The following ZNF652 variants were observed in gnomAD, a reference collection of about 807,000 sequenced individuals.
The protein encoded by ZNF652 is zinc finger protein 652.
ZNF652 carries 16 observed loss-of-function variants against 45.2 expected under a neutral mutation model. The observed-to-expected ratio is 0.35, with a 90% CI of 0.24 to 0.54. The LOEUF is 0.54. Ranked by LOEUF, ZNF652 falls within the 20% of genes least tolerant of loss-of-function variation. The pLI, the probability that ZNF652 is intolerant of heterozygous loss-of-function variation, is 0.91. For synonymous variants in ZNF652, 250 were observed against 260.6 expected, an observed-to-expected ratio of 0.96 and a Z score of 0.39; for missense variants, 614 against 765.6, an observed-to-expected ratio of 0.80 and a Z score of 2.34.
At chr17:49,323,503 A>T (rs1330199820) in intron 1 of ZNF652, among the ~76,000 whole-genome samples, 1 of 152,154 alleles carries the variant, frequency 6.6e-6, no homozygotes, top group African/African-American at 2.4e-5. Context: ...ATGAATCACA[A>T]ATGTTCTTAA....
intron 1 of ZNF652, among the ~76,000 whole-genome samples, chr17:49,335,672 AAGTGTTACC>A (rs2070072462): frequency 6.6e-6 from 1 of 152,212 alleles, no homozygotes; most frequent in African/African-American, 2.4e-5. Context: ...TTACACTGTA[AAGTGTTACC>A]ATAATTTCAA....
At chr17:49,339,498 TA>T (rs1003423032) in intron 1 of ZNF652, among the ~76,000 whole-genome samples, 5 of 152,108 alleles carry the variant, frequency 3.3e-5, no homozygotes, top group Non-Finnish European at 7.4e-5. Context: ...AACAGTCAAG[TA>T]AACCTCGTGG....
chr17:49,333,479 G>A (rs4794041), intron 1 of ZNF652, among the ~76,000 whole-genome samples: 32,982 of 145,194 alleles, frequency 0.23, 3,930 homozygotes, highest in South Asian at 0.31. Flanking sequence ...GGAGGCCAAG[G>A]TGGGTGGATC....
At chr17:49,347,740 GTTT>G (rs1181401090) in intron 1 of ZNF652, among the ~76,000 whole-genome samples, 30,755 of 80,616 alleles carry the variant, frequency 0.38, 3,578 homozygotes, top group East Asian at 0.49. Context: ...CCTTGGTTTT[GTTT>G]TTTTTTTTTT....
intron 4 of ZNF652, among the ~76,000 whole-genome samples, chr17:49,311,691 A>G (rs375299865): frequency 5.9e-5 from 9 of 152,380 alleles, no homozygotes; most frequent in African/African-American, 1.9e-4. Context: ...GAAAAGAAAA[A>G]TAAGTCATTA....
At chr17:49,313,377 T>C (rs1356955968) in intron 2 of ZNF652, among the ~76,000 whole-genome samples, 1 of 151,986 alleles carries the variant, frequency 6.6e-6, no homozygotes, top group Admixed American at 6.5e-5. Flanking sequence ...CAGGGTGATC[T>C]CGATCTTCTG....
intron 1 of ZNF652, among the ~76,000 whole-genome samples, chr17:49,354,680 T>C (rs1382939702): frequency 1.3e-5 from 2 of 151,996 alleles, no homozygotes; most frequent in East Asian, 1.9e-4. Flanking sequence ...AAAATCTTCA[T>C]ATATAAAACA....
At chr17:49,326,371 C>T (rs1480143524) in intron 1 of ZNF652, among the ~76,000 whole-genome samples, 1 of 151,986 alleles carries the variant, frequency 6.6e-6, no homozygotes, top group Non-Finnish European at 1.5e-5. Context: ...AAAGAACAAC[C>T]AGCTTGGGCT....
chr17:49,298,649 G>C lies in ZNF652; in HGVS notation c.1585C>G (p.Pro529Ala). The C allele has an allele frequency of 6.2e-7, 1 of 1,613,908 alleles. No individual in the cohort carries two copies. Among genetic ancestry groups the C allele is most frequent in the Non-Finnish European group, 8.5e-7 (1 of 1,180,004 alleles). Residue 529 changes from proline to alanine, a missense_variant, in exon 6 of 6, where the codon CCA (proline) becomes GCA (alanine). Pro to Ala is a conservative substitution (Grantham distance 27). Around this residue, in one of 5 missense-constraint regions of ZNF652, gnomAD observed 132 missense variants for 137.2 expected, o/e 0.96. Transcript: ENST00000430262. Reference sequence around the variant, plus strand: ...GTGCTTACAGGATTCATATTGATTGGAGGGGTTGGGGTTGTGGCTGTGTTC... The same window carrying C: ...GTGCTTACAGGATTCATATTGATTGCAGGGGTTGGGGTTGTGGCTGTGTTC... ...VVNTATTPTP[P>A]INMNPVSTLP...
intron 5 of ZNF652, among the ~76,000 whole-genome samples, chr17:49,300,787 TACCAGAC>T (rs1282234421): frequency 7.9e-5 from 12 of 152,358 alleles, no homozygotes; most frequent in African/African-American, 2.9e-4. Flanking sequence ...TCTTACTGTG[TACCAGAC>T]ACTGCTAACT....
In ZNF652 at chr17:49,317,147, C is replaced by T; in HGVS notation, c.579G>A (p.Arg193=). 2 of 1,613,968 alleles carry T rather than the reference C, an allele frequency of 1.2e-6. No individual in the cohort carries two copies. Among genetic ancestry groups the T allele is most frequent in the African/African-American group, 2.7e-5 (2 of 74,982 alleles). ...EKVSVTQRRT[R]RAASVAAATT... is the part of the protein sequence containing the mutation. ...TAGCTGCGGCAACAGAGGCAGCTCT[C>T]CTGGTTCTCCTTTGTGTAACGCTGA... The change falls in exon 2 of 6, where the codon AGG becomes AGA. Residue 193 remains arginine (R), a synonymous_variant. Coordinates refer to ENST00000430262, the MANE Select transcript of ZNF652 (RefSeq NM_001145365.3).
At chr17:49,311,519 T>C in intron 4 of ZNF652, 63 bp from the exon 5 acceptor site, 1 of 1,541,278 alleles carries the variant, frequency 6.5e-7, no homozygotes, top group Non-Finnish European at 8.8e-7. Context: ...GAGCCCACCC[T>C]AACACAGTCT....
chr17:49,348,479 A>AAAAAG (rs55939949), intron 1 of ZNF652, among the ~76,000 whole-genome samples: 10,839 of 111,620 alleles, frequency 0.097, 727 homozygotes, highest in Middle Eastern at 0.12. Context: ...CCTTGCCTCA[A>AAAAAG]AAAAGAAAAG....
chr17:49,328,274 A>G (rs1332826140), intron 1 of ZNF652, among the ~76,000 whole-genome samples: 1 of 152,036 alleles, frequency 6.6e-6, no homozygotes, highest in East Asian at 1.9e-4. Flanking sequence ...TTGAAGGACA[A>G]GCAGAAGTCA....
chr17:49,355,301 T>C (rs544705049), intron 1 of ZNF652, among the ~76,000 whole-genome samples: 1 of 152,250 alleles, frequency 6.6e-6, no homozygotes, highest in Admixed American at 6.5e-5. Context: ...AGAAAAAAAT[T>C]TGTCTGGGCA....
intron 5 of ZNF652, among the ~76,000 whole-genome samples, chr17:49,306,266 C>A (rs974085202): frequency 6.6e-6 from 1 of 152,134 alleles, no homozygotes; most frequent in Non-Finnish European, 1.5e-5. Flanking sequence ...GAAAGATGAA[C>A]ACAGAAAAGG....
intron 1 of ZNF652, among the ~76,000 whole-genome samples, chr17:49,322,766 T>C (rs191597143): frequency 2.0e-5 from 3 of 152,254 alleles, no homozygotes; most frequent in African/African-American, 7.2e-5. Context: ...GCACCTGTAG[T>C]CCGAGCTACT....
intron 1 of ZNF652, among the ~76,000 whole-genome samples, chr17:49,353,545 T>C (rs978797080): frequency 2.0e-5 from 3 of 152,136 alleles, no homozygotes; most frequent in Non-Finnish European, 2.9e-5. Flanking sequence ...GATTTCGGCT[T>C]ACTACAACCT....
At chr17:49,315,530 T>G (rs1181968922) in intron 2 of ZNF652, among the ~76,000 whole-genome samples, 3 of 150,102 alleles carry the variant, frequency 2.0e-5, no homozygotes, top group Non-Finnish European at 4.4e-5. Flanking sequence ...ATTTATTAAA[T>G]GTTTTCTGTA....
Sources: gnomAD v4.1 joint callset for allele counts (sites outside exome capture counted in the v4.1 genomes callset) on GRCh38, gnomAD v4.1.1 for gene constraint, gnomAD v4.1.1 regional missense constraint, MANE v1.5 for transcripts, NCBI Gene and HGNC (gene_info 2026-07-23, HGNC 2026-07-21) for gene names.